PTPRZ1: variants seen among roughly 807,000 people sequenced by gnomAD.
PTPRZ1 encodes the protein protein tyrosine phosphatase receptor type Z1.
A neutral mutation model predicts 214.1 loss-of-function variants in PTPRZ1; 82 were observed. The observed-to-expected ratio is 0.38, with a 90% CI of 0.32 to 0.46. The LOEUF is 0.46. Among genes scored for constraint, PTPRZ1 ranks in the 20% least tolerant of loss-of-function variants. PTPRZ1 has a pLI of 1.00. For synonymous variants in PTPRZ1, 945 were observed against 987.9 expected, an observed-to-expected ratio of 0.96 and a Z score of 0.81; for missense variants, 2,603 against 2,748.7, an observed-to-expected ratio of 0.95 and a Z score of 1.19.
chr7:121,960,187 C>T (rs115225369), intron 2 of PTPRZ1, among the ~76,000 whole-genome samples: 2,839 of 152,190 alleles, frequency 0.019, 83 homozygotes, highest in African/African-American at 0.065. Context: ...TACGGGCGTG[C>T]GCCAACACGC....
chr7:121,985,734 CA>C (rs1456102757), intron 8 of PTPRZ1, among the ~76,000 whole-genome samples: 1 of 152,218 alleles, frequency 6.6e-6, no homozygotes, highest in African/African-American at 2.4e-5. Flanking sequence ...CACAGGACTG[CA>C]CACTCAAGGA....
At chr7:121,903,325 A>G (rs941199658) in intron 1 of PTPRZ1, among the ~76,000 whole-genome samples, 2 of 152,184 alleles carry the variant, frequency 1.3e-5, no homozygotes, top group Non-Finnish European at 2.9e-5. Context: ...GACTGTATCA[A>G]CTACAGTATC....
In PTPRZ1 at chr7:121,967,963, A is replaced by C; in HGVS notation, c.137A>C (p.Gln46Pro). The C allele has an allele frequency of 6.4e-7, 1 of 1,571,296 alleles. No homozygotes were observed. The highest frequency in any genetic ancestry group is 8.7e-7 in the Non-Finnish European group (1 of 1,150,736). The change falls in exon 3 of 30, where the codon CAA becomes CCA. Residue 46 changes from glutamine (Q) to proline (P), a missense_variant. Coordinates refer to ENST00000393386, the MANE Select transcript of PTPRZ1 (RefSeq NM_002851.3). Reference protein sequence around the residue: ...IGWSYTGALNQKNWGKKYPTC... With the variant: ...IGWSYTGALNPKNWGKKYPTC... ...TTCTTTTCCCTAGGAGCACTGAATC[A>C]AAAAAATTGGGGAAAGAAATATCCA...
intron 1 of PTPRZ1, among the ~76,000 whole-genome samples, chr7:121,886,956 C>A (rs1794415680): frequency 6.6e-6 from 1 of 152,138 alleles, no homozygotes; most frequent in East Asian, 1.9e-4. Context: ...ACCTGTCCAG[C>A]TTTACTTGAA....
chr7:122,053,272 G>T (rs773773151), intron 25 of PTPRZ1, among the ~76,000 whole-genome samples: 1 of 152,088 alleles, frequency 6.6e-6, no homozygotes, highest in Non-Finnish European at 1.5e-5. Flanking sequence ...AGTCCCAGGA[G>T]GTTATGTAGT....
chr7:122,025,027 A>G (rs1799166717), intron 13 of PTPRZ1, among the ~76,000 whole-genome samples: 1 of 152,300 alleles, frequency 6.6e-6, no homozygotes, highest in East Asian at 1.9e-4. Flanking sequence ...GCTGAACAAC[A>G]TATGATTGGT....
intron 1 of PTPRZ1, among the ~76,000 whole-genome samples, chr7:121,891,451 C>CTTTTTTTTTTTTTTTTTTTTT (rs58135453): frequency 2.8e-4 from 10 of 35,754 alleles, no homozygotes; most frequent in African/African-American, 6.8e-4. Flanking sequence ...AAAACAACCT[C>CTTTTTTTTTTTTTTTTTTTTT]TTTTTTTTTT....
chr7:121,977,737 A>G (rs1344524734), intron 6 of PTPRZ1, among the ~76,000 whole-genome samples: 1 of 151,186 alleles, frequency 6.6e-6, no homozygotes, highest in Non-Finnish European at 1.5e-5. Context: ...GAGACACAGC[A>G]CAAGATGAAG....
intron 8 of PTPRZ1, among the ~76,000 whole-genome samples, chr7:121,987,869 G>A (rs1797809066): frequency 6.6e-6 from 1 of 152,138 alleles, no homozygotes; most frequent in Admixed American, 6.5e-5. Context: ...TTTTTTTGCA[G>A]CAAGATGGAT....
At chr7:122,049,510 G>A (rs1485180309) in intron 23 of PTPRZ1, among the ~76,000 whole-genome samples, 1 of 151,958 alleles carries the variant, frequency 6.6e-6, no homozygotes, top group Non-Finnish European at 1.5e-5. Flanking sequence ...ATTAGAAAAT[G>A]TTTTAGAACA....
chr7:121,895,679 C>T (rs902086555), intron 1 of PTPRZ1, among the ~76,000 whole-genome samples: 7 of 152,128 alleles, frequency 4.6e-5, no homozygotes, highest in Admixed American at 3.9e-4. Context: ...TGAGAGTCTT[C>T]AAGACGACTC....
At chr7:122,031,677 T>C in intron 15 of PTPRZ1, 118 bp downstream of exon 15, 1 of 624,520 alleles carries the variant, frequency 1.6e-6, no homozygotes, top group Non-Finnish European at 2.7e-6. Context: ...CTAGTAAAAA[T>C]ATGAGTTCCA....
intron 2 of PTPRZ1, among the ~76,000 whole-genome samples, chr7:121,934,450 T>C (rs907127336): frequency 4.8e-5 from 6 of 125,656 alleles, no homozygotes; most frequent in African/African-American, 1.9e-4. Flanking sequence ...ATCGCGCCAC[T>C]GCACTCTAGC....
chr7:121,972,761 TTTGA>T (rs1797297507), intron 4 of PTPRZ1, 69 bp downstream of exon 4: 6 of 1,198,748 alleles, frequency 5.0e-6, no homozygotes, highest in African/African-American at 4.8e-5. Context: ...TAGCATATAA[TTTGA>T]TTAATTTTAA....
intron 13 of PTPRZ1, among the ~76,000 whole-genome samples, chr7:122,025,712 T>C (rs1408076444): frequency 6.6e-6 from 1 of 152,116 alleles, no homozygotes; most frequent in Admixed American, 6.6e-5. Context: ...TGCTAAAGGC[T>C]GATTAGGAAA....
chr7:122,025,484 C>T (rs960524773), intron 13 of PTPRZ1, among the ~76,000 whole-genome samples: 1 of 151,974 alleles, frequency 6.6e-6, no homozygotes. Context: ...CATGTGCCAC[C>T]ATGCCCGGCT....
At chr7:121,897,512 TTCCTC>T (rs1317838528) in intron 1 of PTPRZ1, among the ~76,000 whole-genome samples, 5 of 152,216 alleles carry the variant, frequency 3.3e-5, no homozygotes. Context: ...GTTTTATACA[TTCCTC>T]TATCCCCACA....
intron 23 of PTPRZ1, among the ~76,000 whole-genome samples, chr7:122,047,345 T>G (rs1206352): frequency 0.64 from 97,767 of 151,878 alleles, 33,278 homozygotes; most frequent in African/African-American, 0.89. Flanking sequence ...GATTTGGGGG[T>G]TGTTTATTTG....
intron 14 of PTPRZ1, among the ~76,000 whole-genome samples, chr7:122,030,023 A>G (rs1799326841): frequency 1.3e-5 from 2 of 151,930 alleles, no homozygotes; most frequent in African/African-American, 2.4e-5. Context: ...TCTTCTGCAT[A>G]CCCCATCAGC....
Sources: gnomAD v4.1 joint callset for allele counts (sites outside exome capture counted in the v4.1 genomes callset) on GRCh38, gnomAD v4.1.1 for gene constraint, MANE v1.5 for transcripts, NCBI Gene and HGNC (gene_info 2026-07-23, HGNC 2026-07-21) for gene names.